ANKRD24: variants seen among roughly 807,000 people sequenced by gnomAD.
The protein encoded by ANKRD24 is ankyrin repeat domain 24.
In ANKRD24, 109 loss-of-function variants were observed where a neutral mutation model predicts 127.8. That is an observed-to-expected ratio of 0.85 (90% CI 0.73 to 1.00). ANKRD24 has a LOEUF of 1.00. Among genes scored for constraint, ANKRD24 ranks in the 50% least tolerant of loss-of-function variants. The pLI is 0.00. For synonymous variants in ANKRD24, 743 were observed against 671.1 expected, an observed-to-expected ratio of 1.11 and a Z score of -1.66; for missense variants, 1,648 against 1,570.2, an observed-to-expected ratio of 1.05 and a Z score of -0.84.
intron 11 of ANKRD24, chr19:4,209,003 G>C (rs1031779888): frequency 2.5e-5 from 12 of 485,978 alleles, no homozygotes; most frequent in African/African-American, 1.6e-4. Context: ...ATACTGGATG[G>C]GGCCAAATTA....
At position 4,198,164 on chromosome 19, in the gene ANKRD24, G is replaced by C; in HGVS notation, c.37-1519G>C. 1.8e-6 allele frequency: 1 copy of C among 563,810 alleles called. No individual in the cohort carries two copies. 34.9% of individuals were successfully genotyped at this position (563,810 alleles called of 1,614,324 possible). On this transcript the variant is annotated intron_variant, in intron 2 of 21. Coordinates refer to ENST00000318934, the MANE Select transcript of ANKRD24 (RefSeq NM_001393985.1). This position sits in a 1 kb window ranked among gnomAD's most constrained non-coding sequence, Gnocchi z 6.1. ...GATGCAGCCGGCGGCCTGCGCTGGT[G>C]AGGGAGCCGGGCCCCCGGCGCCGCG...
chr19:4,208,325 G>T (rs1015489653), intron 10 of ANKRD24, among the ~76,000 whole-genome samples: 20 of 152,068 alleles, frequency 1.3e-4, no homozygotes, highest in Admixed American at 2.6e-4. Flanking sequence ...CCAACATGGT[G>T]AAACCCTGTC....
intron 2 of ANKRD24, among the ~76,000 whole-genome samples, chr19:4,193,845 G>GAGGGAGGGAAAGAAGGAAGGAAGGA (rs573649233): frequency 7.4e-5 from 3 of 40,590 alleles, no homozygotes; most frequent in African/African-American, 3.9e-4. Flanking sequence ...GGGAGGGAGG[G>GAGGGAGGGAAAGAAGGAAGGAAGGA]AGGAAGGAAG....
chr19:4,186,363 C>A, intron 1 of ANKRD24, 27 bp from the exon 2 acceptor site: 1 of 1,555,988 alleles, frequency 6.4e-7, no homozygotes, highest in Non-Finnish European at 8.7e-7. Flanking sequence ...GTGTCCCTCA[C>A]CTTACCCCCA....
intron 19 of ANKRD24, among the ~76,000 whole-genome samples, chr19:4,221,653 G>A (rs1004197400): frequency 3.9e-5 from 6 of 152,108 alleles, no homozygotes; most frequent in East Asian, 1.9e-4. Flanking sequence ...AGTCCCAGGC[G>A]CTTCAGCATA....
At chr19:4,186,276 G>A (rs1968056306) in intron 1 of ANKRD24, 114 bp from the exon 2 acceptor site, 3 of 1,493,114 alleles carry the variant, frequency 2.0e-6, no homozygotes, top group Non-Finnish European at 2.7e-6. Context: ...TGCTCTAGGG[G>A]CCAGGACTGG....
chr19:4,205,056 T>C (rs1394940434), intron 7 of ANKRD24, among the ~76,000 whole-genome samples: 1 of 152,034 alleles, frequency 6.6e-6, no homozygotes, highest in East Asian at 1.9e-4. Context: ...GCCAACACGG[T>C]GAAACCCTGT....
At chr19:4,210,223 A>T in intron 12 of ANKRD24, 42 bp from the exon 13 acceptor site, 1 of 1,556,914 alleles carries the variant, frequency 6.4e-7, no homozygotes, top group Non-Finnish European at 8.7e-7. Flanking sequence ...GGATGGGGCA[A>T]CCTTAGGCCC....
In ANKRD24 at chr19:4,224,657, C is replaced by G. The variant is rs150095540; in HGVS notation, c.*152C>G. ...AGCCTGGTTCCCTGCCCGACCACCC[C>G]CAGCTGGCTCCATCACCCCACCTGG... is the stretch of plus-strand genomic sequence containing the variant. On this transcript the variant is annotated 3_prime_UTR_variant, in exon 22 of 22. Transcript: ENST00000318934. The G allele has an allele frequency of 1.9e-4, 134 of 712,596 alleles. No homozygotes were observed. In the African/African-American group the frequency reaches 2.2e-3, roughly 11 times the overall value. The allele number at this position is 712,596 out of a possible 1,614,324, so 44.1% of individuals were successfully genotyped here. A position where few individuals can be genotyped will look rare whatever the true frequency, so the allele number is the denominator to read the frequency against.
At position 4,207,515 on chromosome 19, in the gene ANKRD24, C is replaced by T. The variant is rs1466258321; in HGVS notation, c.552C>T (p.Pro184=). 1.2e-6 allele frequency: 2 copies of T among 1,613,890 alleles called. No homozygotes were observed. Among genetic ancestry groups the T allele is most frequent in the Non-Finnish European group, 1.7e-6 (2 of 1,179,842 alleles). ...CTCCCTACCAGTCAGGCGCAACACC[C>T]CTCATTATAGCAGCTCAGATGTGTC... ...LNPQDRSGAT[P]LIIAAQMCHT... The change falls in exon 9 of 22, where the codon CCC becomes CCT. Residue 184 remains proline (P), a synonymous_variant. Coordinates refer to ENST00000318934, the MANE Select transcript of ANKRD24 (RefSeq NM_001393985.1).
chr19:4,193,022 C>CT, intron 2 of ANKRD24, among the ~76,000 whole-genome samples: 1 of 148,250 alleles, frequency 6.7e-6, no homozygotes, highest in Non-Finnish European at 1.5e-5. Flanking sequence ...GATAAGAGGC[C>CT]TGGCGCAGTG....
intron 18 of ANKRD24, 115 bp downstream of exon 18, chr19:4,218,278 CTTTAT>C (rs1315541240): frequency 1.7e-5 from 12 of 727,074 alleles, no homozygotes; most frequent in Admixed American, 4.4e-5. Context: ...AACAGACCTA[CTTTAT>C]TTTATTTATT....
chr19:4,217,989 G>T lies in ANKRD24; in HGVS notation c.2829G>T (p.Thr943=). Residue 943 remains threonine (T), a synonymous_variant, in exon 18 of 22, where the codon ACG becomes ACT. Transcript: ENST00000318934. The part of the protein sequence containing the change: ...AASLEQEVVA[T]GKEAARLRAE... ...GTCTGGAGCAGGAGGTGGTGGCCAC[G>T]GGCAAGGAGGCCGCCCGGCTGCGCG... 6.5e-7 allele frequency: 1 copy of T among 1,527,074 alleles called. No individual in the cohort carries two copies. Among genetic ancestry groups the T allele is most frequent in the Non-Finnish European group, 8.7e-7 (1 of 1,144,824 alleles). The allele number at this position is 1,527,074 out of a possible 1,614,324, so 94.6% of individuals were successfully genotyped here.
rs1278863438 is a variant in ANKRD24 at position 4,217,921 on chromosome 19, C to T, written c.2761C>T (p.Arg921Trp). ...CGTGGTGCCGGCCTCTGAGCACCGC[C>T]GGCTGCAGGAGGAGGCCCTGGAGCT... is the stretch of plus-strand genomic sequence containing the variant. ...QSVVPASEHRRLQEEALELRG... is the reference protein window; with the variant it reads ...QSVVPASEHRWLQEEALELRG... Residue 921 changes from arginine (R) to tryptophan (W), a missense_variant, in exon 18 of 22, where the codon CGG (arginine) becomes TGG (tryptophan). Transcript: ENST00000318934. 4.7e-6 allele frequency: 7 copies of T among 1,493,254 alleles called. No homozygotes were observed. The highest frequency in any genetic ancestry group is 2.2e-5 in the Admixed American group (1 of 45,918). The allele number at this position is 1,493,254 out of a possible 1,614,324, so 92.5% of individuals were successfully genotyped here.
intron 2 of ANKRD24, among the ~76,000 whole-genome samples, chr19:4,191,627 G>A (rs1394094377): frequency 8.6e-5 from 13 of 151,142 alleles, no homozygotes; most frequent in Admixed American, 4.6e-4. Flanking sequence ...GATTACAGGT[G>A]CACGCCACCA....
rs189597609 is a variant in ANKRD24, at chr19:4,202,148, C to A, written c.408+58C>A. ...GGCCCCTACTACTCCTGAGTTCCAG[C>A]AATTCCTTGAACCCCCAGATGCTCT... On this transcript the variant is annotated intron_variant, in intron 6 of 21. Coordinates refer to ENST00000318934, the MANE Select transcript of ANKRD24 (RefSeq NM_001393985.1). The A allele has an allele frequency of 1.3e-5, 20 of 1,492,126 alleles. No individual in the cohort carries two copies. In the East Asian group the frequency reaches 4.3e-4, roughly 32 times the overall value. The allele number at this position is 1,492,126 out of a possible 1,614,324, so 92.4% of individuals were successfully genotyped here. A position where few individuals can be genotyped will look rare whatever the true frequency, so the allele number is the denominator to read the frequency against.
intron 2 of ANKRD24, among the ~76,000 whole-genome samples, chr19:4,187,105 A>G (rs1349302682): frequency 6.6e-6 from 1 of 152,122 alleles, no homozygotes; most frequent in Non-Finnish European, 1.5e-5. Context: ...GTGGTATTAA[A>G]GCAAAGATTA....
In ANKRD24 at chr19:4,219,684, G is replaced by A. The variant is rs546339422; in HGVS notation, c.3097G>A (p.Glu1033Lys). 5.1e-5 allele frequency: 83 copies of A among 1,613,798 alleles called. No individual in the cohort carries two copies. Among genetic ancestry groups the A allele is most frequent in the East Asian group, 5.1e-4 (23 of 44,868 alleles). ...AEQQLRGLRT[E>K]AERARQAQSR... ...GCAGCAGCTACGGGGGCTACGGACC[G>A]AGGCGGAAAGGGCTCGCCAGGCCCA... The change falls in exon 19 of 22, where the codon GAG (glutamate) becomes AAG (lysine). Residue 1033 changes from glutamate to lysine, a missense_variant. Coordinates refer to ENST00000318934, the MANE Select transcript of ANKRD24 (RefSeq NM_001393985.1).
Position 4,198,246 on chromosome 19 carries a change from T to TCAGCCCCCAGCCCC in ANKRD24, c.37-1428_37-1415dup, listed in dbSNP as rs953676831. On this transcript the variant is annotated intron_variant, in intron 2 of 21. Transcript: ENST00000318934. This position sits in a 1 kb window ranked among gnomAD's most constrained non-coding sequence, Gnocchi z 6.1. The stretch of plus-strand genomic sequence containing the variant: ...AGGGGCCGGGGCGGCGCCCCTTCCC[T>TCAGCCCCCAGCCCC]CAGCCCCCAGCCCCCAGCCCCCTAC... 2.0e-6 allele frequency: 1 copy of TCAGCCCCCAGCCCC among 494,510 alleles called. No individual in the cohort carries two copies. Among genetic ancestry groups the TCAGCCCCCAGCCCC allele is most frequent in the Admixed American group, 4.2e-5 (1 of 23,748 alleles). The allele number at this position is 494,510 out of a possible 1,614,324, so 30.6% of individuals were successfully genotyped here.
Sources: gnomAD v4.1 joint callset for allele counts (sites outside exome capture counted in the v4.1 genomes callset) on GRCh38, gnomAD v4.1.1 for gene constraint, Gnocchi (gnomAD v3.1) non-coding constraint, MANE v1.5 for transcripts, NCBI Gene and HGNC (gene_info 2026-07-23, HGNC 2026-07-21) for gene names.